SGCG: variants seen among roughly 807,000 people sequenced by gnomAD.
SGCG encodes gamma-sarcoglycan.
SGCG carries 26 observed loss-of-function variants against 29.3 expected under a neutral mutation model. That is an observed-to-expected ratio of 0.89 (90% CI 0.65 to 1.23). The LOEUF (loss-of-function observed/expected upper bound fraction) is 1.23, where lower values mean the gene tolerates loss of function less well. Ranked by LOEUF, SGCG falls within the 50% of genes most tolerant of loss-of-function variation. The probability of loss-of-function intolerance (pLI) is 0.00; values close to 1 mark genes in which losing one functional copy is unlikely to be tolerated. For missense variants in SGCG, 353 were observed against 356.0 expected (o/e 0.99, Z 0.07); for synonymous variants, 145 against 129.7 (o/e 1.12, Z -0.80).
chr13:23,230,493 T>G (rs562018254), intron 2 of SGCG, among the ~76,000 whole-genome samples: 4 of 152,316 alleles, frequency 2.6e-5, no homozygotes, highest in Non-Finnish European at 4.4e-5. Context: ...TGTAGGGATC[T>G]TTCACCCCTT....
chr13:23,261,676 C>A (rs1167370152), intron 4 of SGCG, among the ~76,000 whole-genome samples: 1 of 151,862 alleles, frequency 6.6e-6, no homozygotes, highest in Non-Finnish European at 1.5e-5. Context: ...AGACTCATTG[C>A]AAAAAGGACA....
At chr13:23,305,274 C>CCACATTTATTTGTTG (rs1289866165) in intron 6 of SGCG, among the ~76,000 whole-genome samples, 1 of 152,118 alleles carries the variant, frequency 6.6e-6, no homozygotes, top group East Asian at 1.9e-4. Context: ...TATGTGTTTT[C>CCACATTTATTTGTTG]CACATTTATT....
At chr13:23,186,964 G>A (rs1565991554) in intron 1 of SGCG, among the ~76,000 whole-genome samples, 1 of 152,262 alleles carries the variant, frequency 6.6e-6, no homozygotes, top group South Asian at 2.1e-4. Context: ...GTAACCCCCT[G>A]GCCACCGAGT....
At position 23,206,078 on chromosome 13, in the gene SGCG, A is replaced by G. The variant is rs569256298; in HGVS notation, c.195+2189A>G. On this transcript the variant is annotated intron_variant, in intron 2 of 7. Transcript: ENST00000218867. The stretch of plus-strand genomic sequence containing the variant: ...ATTATCCTATATGTTTTGAAACAGT[A>G]AATTGTAAATTAACGTATGCTTTAA... 3.6e-4 allele frequency among the ~76,000 whole-genome samples: 55 copies of G among 152,360 alleles called. 1 individual carries two copies. The South Asian group carries it at 0.011, about 29-fold the overall frequency.
chr13:23,165,816 C>T, the SGCG span, among the ~76,000 whole-genome samples: 3 of 152,120 alleles, frequency 2.0e-5, no homozygotes, highest in Non-Finnish European at 2.9e-5. Context: ...AATGAGCCAC[C>T]GTGCCCAGCC....
the SGCG span, among the ~76,000 whole-genome samples, chr13:23,161,377 C>G: frequency 6.6e-6 from 1 of 152,230 alleles, no homozygotes; most frequent in African/African-American, 2.4e-5. Context: ...AACATCTACT[C>G]ATCCAGTGAT....
intron 7 of SGCG, 92 bp from the exon 8 acceptor site, chr13:23,324,276 G>T: frequency 4.8e-6 from 6 of 1,241,522 alleles, no homozygotes; most frequent in South Asian, 1.2e-5. Context: ...ATGAGGAGAA[G>T]AAACTAATTG....
chr13:23,307,011 C>G (rs1882385565), intron 6 of SGCG, among the ~76,000 whole-genome samples: 1 of 152,162 alleles, frequency 6.6e-6, no homozygotes, highest in Non-Finnish European at 1.5e-5. Flanking sequence ...GAAGGACTTA[C>G]AAATATATTA....
chr13:23,216,523 T>G (rs1472047462), intron 2 of SGCG, among the ~76,000 whole-genome samples: 1 of 152,130 alleles, frequency 6.6e-6, no homozygotes, highest in Non-Finnish European at 1.5e-5. Flanking sequence ...CTGTAAAAAT[T>G]TATTAGTCTA....
intron 7 of SGCG, among the ~76,000 whole-genome samples, chr13:23,321,039 A>G (rs553444887): frequency 6.6e-6 from 1 of 152,236 alleles, no homozygotes; most frequent in South Asian, 2.1e-4. Context: ...AGTCGGAAAA[A>G]AAAAACACTA....
intron 4 of SGCG, among the ~76,000 whole-genome samples, chr13:23,272,940 A>G (rs59518644): frequency 0.11 from 16,047 of 151,980 alleles, 980 homozygotes; most frequent in Non-Finnish European, 0.12. Flanking sequence ...TTCTAATTCA[A>G]TGGTTACTTT....
intron 6 of SGCG, 56 bp downstream of exon 6, chr13:23,295,543 G>T (rs1881874558): frequency 1.7e-6 from 2 of 1,191,664 alleles, no homozygotes; most frequent in African/African-American, 3.0e-5. Flanking sequence ...AAGAGGGTAT[G>T]TGCTGGAATA....
At chr13:23,254,256 G>A (rs928678412) in intron 4 of SGCG, among the ~76,000 whole-genome samples, 9 of 152,090 alleles carry the variant, frequency 5.9e-5, no homozygotes, top group African/African-American at 2.2e-4. Flanking sequence ...TTAGAAATGT[G>A]GGCAGTGAAG....
At chr13:23,314,402 A>ATATATATATATATATATATG (rs1566044506) in intron 6 of SGCG, among the ~76,000 whole-genome samples, 7 of 130,152 alleles carry the variant, frequency 5.4e-5, no homozygotes, top group Middle Eastern at 4.1e-3. Context: ...ATATATATAT[A>ATATATATATATATATATATG]TATATAATCT....
intron 5 of SGCG, among the ~76,000 whole-genome samples, chr13:23,289,609 T>C (rs1881623608): frequency 7.2e-6 from 1 of 139,538 alleles, no homozygotes; most frequent in East Asian, 2.0e-4. Context: ...ACATAATTTA[T>C]TTTGAGTTTT....
chr13:23,318,876 A>G (rs12584195), intron 6 of SGCG, among the ~76,000 whole-genome samples: 54,565 of 152,156 alleles, frequency 0.36, 11,173 homozygotes, highest in Non-Finnish European at 0.45. Context: ...GGAAACACCC[A>G]CTTTCACAAG....
chr13:23,213,310 CTAAAAATA>C (rs1244760801), intron 2 of SGCG, among the ~76,000 whole-genome samples: 1 of 152,048 alleles, frequency 6.6e-6, no homozygotes, highest in African/African-American at 2.4e-5. Context: ...CCCATCTCTA[CTAAAAATA>C]TAAAAATATA....
At chr13:23,171,213 A>G in the SGCG span, among the ~76,000 whole-genome samples, 3 of 152,214 alleles carry the variant, frequency 2.0e-5, no homozygotes, top group East Asian at 1.9e-4. Flanking sequence ...AGGAATAATT[A>G]TAATAGCTAA....
chr13:23,316,160 T>C (rs1406105532), intron 6 of SGCG, among the ~76,000 whole-genome samples: 1 of 152,160 alleles, frequency 6.6e-6, no homozygotes, highest in Non-Finnish European at 1.5e-5. Context: ...TATGGCACCA[T>C]CCTTGGGGTG....
Sources: allele counts gnomAD v4.1 joint callset (sites outside exome capture counted in the v4.1 genomes callset), GRCh38; gene constraint gnomAD v4.1.1; transcripts MANE v1.5; gene names NCBI Gene and HGNC (gene_info 2026-07-23, HGNC 2026-07-21).